KIF6: variants seen among roughly 807,000 people sequenced by gnomAD.
KIF6 encodes the protein kinesin-like protein KIF6.
Under a neutral mutation model 112.7 loss-of-function variants are expected in KIF6, and 106 were observed. That is an observed-to-expected ratio of 0.94 (90% CI 0.80 to 1.11). The LOEUF (loss-of-function observed/expected upper bound fraction) is 1.11, where lower values mean the gene tolerates loss of function less well. Among genes scored for constraint, KIF6 ranks in the 50% least tolerant of loss-of-function variants. The probability of loss-of-function intolerance (pLI) is 0.00; values close to 1 mark genes in which losing one functional copy is unlikely to be tolerated. For missense variants in KIF6, 929 were observed against 964.0 expected, an observed-to-expected ratio of 0.96 and a Z score of 0.48; for synonymous variants, 339 against 339.9, an observed-to-expected ratio of 1.00 and a Z score of 0.03.
chr6:39,358,401 C>A (rs997717681), intron 18 of KIF6, among the ~76,000 whole-genome samples: 2 of 152,230 alleles, frequency 1.3e-5, no homozygotes, highest in East Asian at 3.8e-4. Flanking sequence ...ACCAGTGTAT[C>A]CCACCATCCC....
intron 3 of KIF6, among the ~76,000 whole-genome samples, chr6:39,652,644 C>A (rs1350744218): frequency 1.3e-5 from 2 of 151,980 alleles, no homozygotes; most frequent in African/African-American, 4.8e-5. Context: ...TCAGTCTGAT[C>A]AAAACTGAAC....
At chr6:39,560,877 G>A (rs1257384758) in intron 10 of KIF6, among the ~76,000 whole-genome samples, 1 of 152,170 alleles carries the variant, frequency 6.6e-6, no homozygotes, top group African/African-American at 2.4e-5. Flanking sequence ...AGCATTTTCT[G>A]ATTCAAGACA....
chr6:39,586,043 TATGTGAAGTCA>T (rs1216781036), intron 8 of KIF6, among the ~76,000 whole-genome samples: 1 of 152,228 alleles, frequency 6.6e-6, no homozygotes, highest in Non-Finnish European at 1.5e-5. Flanking sequence ...TATCCTGTGC[TATGTGAAGTCA>T]ATTCTCAAAT....
chr6:39,400,752 G>A (rs114933997), intron 15 of KIF6, among the ~76,000 whole-genome samples: 1 of 152,152 alleles, frequency 6.6e-6, no homozygotes, highest in East Asian at 1.9e-4. Context: ...CCTTCTCCAC[G>A]GTGATATTTG....
At chr6:39,580,591 G>C (rs139594154) in intron 9 of KIF6, among the ~76,000 whole-genome samples, 1 of 152,226 alleles carries the variant, frequency 6.6e-6, no homozygotes, top group East Asian at 1.9e-4. Context: ...ATGGTTGAAT[G>C]TTTAATGTGC....
At chr6:39,457,682 AG>A (rs1773220445) in intron 13 of KIF6, among the ~76,000 whole-genome samples, 1 of 152,122 alleles carries the variant, frequency 6.6e-6, no homozygotes, top group African/African-American at 2.4e-5. Flanking sequence ...AAAATGATAA[AG>A]GGGATATCAC....
intron 5 of KIF6, among the ~76,000 whole-genome samples, chr6:39,615,160 G>A (rs1428289032): frequency 2.7e-5 from 4 of 150,606 alleles, no homozygotes; most frequent in African/African-American, 7.4e-5. Flanking sequence ...GAGACGGAGC[G>A]AGGCCTTTTC....
chr6:39,339,851 C>T (rs79726644), intron 22 of KIF6, among the ~76,000 whole-genome samples: 1,756 of 152,254 alleles, frequency 0.012, 32 homozygotes, highest in African/African-American at 0.037. Context: ...TAAGAGCTGG[C>T]GAGGCTTATG....
At chr6:39,558,797 T>A (rs1779857339) in intron 10 of KIF6, among the ~76,000 whole-genome samples, 2 of 152,192 alleles carry the variant, frequency 1.3e-5, no homozygotes, top group Non-Finnish European at 2.9e-5. Context: ...TTATGCCTCA[T>A]CCTTTTTAAA....
chr6:39,554,598 C>T, intron 10 of KIF6: 1 of 153,010 alleles, frequency 6.5e-6, no homozygotes, highest in Non-Finnish European at 1.5e-5. Flanking sequence ...TCCCACTGGG[C>T]CGGCAGCATG....
At chr6:39,607,435 A>C (rs1014391730) in intron 6 of KIF6, among the ~76,000 whole-genome samples, 10 of 152,190 alleles carry the variant, frequency 6.6e-5, no homozygotes, top group African/African-American at 2.4e-4. Context: ...AATGCTTGTC[A>C]TATAGTAAGT....
intron 5 of KIF6, among the ~76,000 whole-genome samples, chr6:39,628,079 T>C (rs558012997): frequency 3.9e-5 from 6 of 152,172 alleles, no homozygotes; most frequent in Non-Finnish European, 8.8e-5. Context: ...TAGATTCACA[T>C]ACAGCTATAA....
At chr6:39,505,356 G>C (rs2150499775) in intron 13 of KIF6, among the ~76,000 whole-genome samples, 1 of 152,222 alleles carries the variant, frequency 6.6e-6, no homozygotes, top group South Asian at 2.1e-4. Flanking sequence ...AACTCAAGAT[G>C]GATTAAAGAC....
chr6:39,574,071 T>A (rs1780789633), intron 10 of KIF6, among the ~76,000 whole-genome samples: 1 of 152,232 alleles, frequency 6.6e-6, no homozygotes, highest in Non-Finnish European at 1.5e-5. Context: ...CAATCCAGGA[T>A]CTATAAGTCC....
At chr6:39,617,105 T>C (rs542684477) in intron 5 of KIF6, among the ~76,000 whole-genome samples, 1 of 152,226 alleles carries the variant, frequency 6.6e-6, no homozygotes, top group South Asian at 2.1e-4. Flanking sequence ...TGTGAACAGC[T>C]TTCCCTACAA....
chr6:39,407,968 A>C (rs1179811602), intron 15 of KIF6, among the ~76,000 whole-genome samples: 1 of 152,204 alleles, frequency 6.6e-6, no homozygotes, highest in East Asian at 1.9e-4. Context: ...AAAAATCATA[A>C]GAGAAAATTA....
chr6:39,493,837 T>C (rs1206612140), intron 13 of KIF6, among the ~76,000 whole-genome samples: 2 of 152,240 alleles, frequency 1.3e-5, no homozygotes, highest in African/African-American at 4.8e-5. Context: ...AACCTGTCAC[T>C]GGCTTGCAGT....
chr6:39,503,849 GA>G (rs772144009), intron 13 of KIF6, among the ~76,000 whole-genome samples: 9,360 of 81,874 alleles, frequency 0.11, 340 homozygotes, highest in Middle Eastern at 0.27. Context: ...CAACCAACCA[GA>G]AAAAAAAAAA....
chr6:39,470,487 A>G (rs541169455), intron 13 of KIF6, among the ~76,000 whole-genome samples: 2 of 152,284 alleles, frequency 1.3e-5, no homozygotes, highest in East Asian at 3.9e-4. Flanking sequence ...CCAAAATGAA[A>G]TCTGCCAGTT....
Sources: gnomAD v4.1 joint callset for allele counts (sites outside exome capture counted in the v4.1 genomes callset) on GRCh38, gnomAD v4.1.1 for gene constraint, MANE v1.5 for transcripts, NCBI Gene and HGNC (gene_info 2026-07-23, HGNC 2026-07-21) for gene names.